NPAS3: variants seen among roughly 807,000 people sequenced by gnomAD.
NPAS3 encodes the protein neuronal PAS domain protein 3.
NPAS3 carries 14 observed loss-of-function variants against 73.1 expected under a neutral mutation model. The observed-to-expected ratio is 0.19, with a 90% CI of 0.13 to 0.30. The LOEUF is 0.30. Ranked by LOEUF, NPAS3 falls within the 10% of genes least tolerant of loss-of-function variation. NPAS3 has a pLI of 1.00. For missense variants in NPAS3, 1,096 were observed against 1,250.0 expected (o/e 0.88, Z 1.86); for synonymous variants, 620 against 541.5 (o/e 1.14, Z -2.01).
intron 3 of NPAS3, among the ~76,000 whole-genome samples, chr14:33,242,390 T>C (rs950209334): frequency 1.4e-4 from 22 of 152,072 alleles, no homozygotes; most frequent in Admixed American, 5.2e-4. Context: ...TTCCCTTCCC[T>C]GAAAGTGGTA....
chr14:33,727,966 A>T (rs1187439568), intron 6 of NPAS3, among the ~76,000 whole-genome samples: 1 of 152,182 alleles, frequency 6.6e-6, no homozygotes, highest in Non-Finnish European at 1.5e-5. Context: ...ATGTACTCTC[A>T]AAGGCGATCT....
intron 6 of NPAS3, among the ~76,000 whole-genome samples, chr14:33,699,033 G>T (rs2060460210): frequency 2.0e-5 from 3 of 152,290 alleles, no homozygotes; most frequent in Admixed American, 2.0e-4. Context: ...AAGAATCTCT[G>T]CAGGGACACA....
intron 1 of NPAS3, among the ~76,000 whole-genome samples, chr14:33,009,610 A>G (rs768138650): frequency 6.6e-6 from 1 of 152,176 alleles, no homozygotes; most frequent in Non-Finnish European, 1.5e-5. Context: ...GTAATACTAG[A>G]GTCTTGTTTT....
chr14:33,770,900 T>C (rs997881209), intron 7 of NPAS3, among the ~76,000 whole-genome samples: 2 of 152,200 alleles, frequency 1.3e-5, no homozygotes, highest in African/African-American at 2.4e-5. Context: ...TAAGACTCCA[T>C]CTCAAAACAA....
At chr14:32,934,887 C>G, upstream of NPAS3, 1 of 851,306 alleles carries the variant, frequency 1.2e-6, no homozygotes, top group Non-Finnish European at 1.4e-6. The surrounding 1 kb of genome is among the most constrained non-coding windows in gnomAD (Gnocchi z 4.1). Flanking sequence ...AGGTGACGGC[C>G]GCGGCGGCCG....
At chr14:33,190,628 C>T (rs2046136865) in intron 2 of NPAS3, among the ~76,000 whole-genome samples, 2 of 152,148 alleles carry the variant, frequency 1.3e-5, no homozygotes, top group Admixed American at 1.3e-4. Context: ...TTTAATTTTG[C>T]CTGTGGCAGA....
intron 4 of NPAS3, among the ~76,000 whole-genome samples, chr14:33,382,128 T>C (rs1241641217): frequency 1.3e-5 from 2 of 151,796 alleles, no homozygotes; most frequent in Non-Finnish European, 2.9e-5. Flanking sequence ...AAAGTCATTT[T>C]CCCCCCAAAG....
At chr14:33,761,566 T>C (rs1029417439) in intron 7 of NPAS3, among the ~76,000 whole-genome samples, 7 of 151,852 alleles carry the variant, frequency 4.6e-5, no homozygotes, top group African/African-American at 1.7e-4. Flanking sequence ...GGAGAAATCT[T>C]ACTTAGCACG....
chr14:33,665,465 A>G lies in NPAS3; in HGVS notation c.559-10746A>G, dbSNP rs144517598. ...GTGATTAAAAAAACAAAACAAAACA[A>G]AACAGGATGACTTTGAACAGACCTT... On this transcript the variant is annotated intron_variant, in intron 5 of 11. Transcript: ENST00000356141. 3.5e-4 allele frequency among the ~76,000 whole-genome samples: 54 copies of G among 152,228 alleles called. No individual in the cohort carries two copies. The East Asian group carries it at 9.5e-3, about 27-fold the overall frequency.
upstream of NPAS3, chr14:32,935,033 G>GC: frequency 2.4e-6 from 3 of 1,254,216 alleles, no homozygotes; most frequent in Admixed American, 3.6e-5. Flanking sequence ...CTGGGATAGT[G>GC]CCCCCGCCCC....
intron 5 of NPAS3, among the ~76,000 whole-genome samples, chr14:33,597,474 A>G (rs1220327712): frequency 6.6e-6 from 1 of 152,262 alleles, no homozygotes; most frequent in Non-Finnish European, 1.5e-5. Context: ...AAATATATCC[A>G]TTCATAAGAG....
chr14:33,193,016 T>C (rs1459100860), intron 2 of NPAS3, among the ~76,000 whole-genome samples: 2 of 152,348 alleles, frequency 1.3e-5, no homozygotes, highest in African/African-American at 4.8e-5. Flanking sequence ...TTGTTACTGC[T>C]TGTTTTCTGG....
intron 2 of NPAS3, among the ~76,000 whole-genome samples, chr14:33,095,070 T>C (rs888922354): frequency 2.0e-5 from 3 of 152,228 alleles, no homozygotes; most frequent in East Asian, 1.9e-4. Flanking sequence ...CGTTGGGACA[T>C]TGAACAAGTG....
In NPAS3 at chr14:33,800,561, T is replaced by G; in HGVS notation, c.2254T>G (p.Ser752Ala). The change falls in exon 12 of 12, where the codon TCG (serine) becomes GCG (alanine). Residue 752 changes from serine to alanine, a missense_variant. Coordinates refer to ENST00000356141, the Ensembl canonical transcript of NPAS3. The surrounding 1 kb of genome is among the most constrained non-coding windows in gnomAD (Gnocchi z 6.5). ...CTCCGACCCGCTGTCACCCCCGCTC[T>G]CGGCGTCCCCGCGGGACAAGCACCC... 1 of 1,320,052 alleles carries G rather than the reference T, an allele frequency of 7.6e-7. No homozygotes were observed. The highest frequency in any genetic ancestry group is 9.6e-7 in the Non-Finnish European group (1 of 1,043,604). 81.8% of individuals were successfully genotyped at this position (1,320,052 alleles called of 1,614,324 possible).
At chr14:33,093,684 G>A (rs1170573068) in intron 2 of NPAS3, among the ~76,000 whole-genome samples, 1 of 152,064 alleles carries the variant, frequency 6.6e-6, no homozygotes, top group East Asian at 1.9e-4. Context: ...GTTTATTGGG[G>A]CACTATTCAC....
intron 4 of NPAS3, among the ~76,000 whole-genome samples, chr14:33,501,093 C>G (rs1420188974): frequency 6.6e-6 from 1 of 151,946 alleles, no homozygotes; most frequent in Non-Finnish European, 1.5e-5. Flanking sequence ...TACCAGAAGT[C>G]ATATCAATAT....
chr14:33,717,942 C>G (rs2061001400), intron 6 of NPAS3, among the ~76,000 whole-genome samples: 1 of 151,808 alleles, frequency 6.6e-6, no homozygotes, highest in Admixed American at 6.6e-5. Context: ...AGTCACCCAG[C>G]TTTGAGGTTT....
intron 7 of NPAS3, among the ~76,000 whole-genome samples, chr14:33,766,020 A>T (rs1037857442): frequency 6.6e-6 from 1 of 152,248 alleles, no homozygotes; most frequent in Non-Finnish European, 1.5e-5. Flanking sequence ...AATCCCTCAC[A>T]TCAGCATTAG....
At chr14:33,012,607 G>A (rs1446774034) in intron 1 of NPAS3, among the ~76,000 whole-genome samples, 1 of 151,390 alleles carries the variant, frequency 6.6e-6, no homozygotes, top group African/African-American at 2.4e-5. Context: ...GGAGTACAGT[G>A]GCGCGATCTC....
Sources: allele counts gnomAD v4.1 joint callset (sites outside exome capture counted in the v4.1 genomes callset), GRCh38; gene constraint gnomAD v4.1.1; non-coding constraint Gnocchi (gnomAD v3.1); transcripts MANE v1.5; gene names NCBI Gene and HGNC (gene_info 2026-07-23, HGNC 2026-07-21).